The following PAPLN variants were observed in gnomAD, a reference collection of about 807,000 sequenced individuals.
PAPLN encodes the protein papilin, proteoglycan like sulfated glycoprotein.
In PAPLN, 146 loss-of-function variants were observed where a neutral mutation model predicts 159.0. The ratio of observed to expected loss-of-function variants is 0.92; its 90% CI spans 0.80 to 1.05. The LOEUF (loss-of-function observed/expected upper bound fraction) is 1.05. Ranked by LOEUF, PAPLN falls within the 50% of genes least tolerant of loss-of-function variation. PAPLN has a pLI of 0.00. For synonymous variants in PAPLN, 734 were observed against 702.9 expected, an observed-to-expected ratio of 1.04 and a Z score of -0.70; for missense variants, 1,720 against 1,743.9, an observed-to-expected ratio of 0.99 and a Z score of 0.24.
chr14:73,251,559 C>T lies in PAPLN; in HGVS notation c.663C>T (p.Asn221=), dbSNP rs1885253600. Residue 221 remains asparagine (N), a synonymous_variant, in exon 8 of 27, where the codon AAC becomes AAT. Coordinates refer to ENST00000644200, the MANE Select transcript of PAPLN (RefSeq NM_001365906.3). ...ILIDEAAASR[N]FLAVKNVRGE... ...TCGACGAGGCTGCTGCCAGCAGGAA[C>T]TTCCTGGGTGAGAGCCTAGGGTTAG... The T allele has an allele frequency of 1.9e-6, 3 of 1,612,996 alleles. No homozygotes were observed.
Position 73,265,430 on chromosome 14 carries a change from G to C in PAPLN, c.3186G>C (p.Arg1062=), listed in dbSNP as rs373959552. The C allele has an allele frequency of 2.5e-6, 4 of 1,613,084 alleles. No individual in the cohort carries two copies. The highest frequency in any genetic ancestry group is 3.4e-6 in the Non-Finnish European group (4 of 1,180,030). Residue 1062 remains arginine, a synonymous_variant, in exon 23 of 27, where the codon CGG becomes CGC. Transcript: ENST00000644200. The surrounding 1 kb of genome is among the most constrained non-coding windows in gnomAD (Gnocchi z 4.1). ...ATGCCAGTCCAGGCCAGCGGATCCG[G>C]ATGACCTGCCGTGCCGAAGGCTTCC... ...VVDASPGQRI[R]MTCRAEGFPP...
At chr14:73,264,073 AT>A in intron 20 of PAPLN, 137 bp from the exon 21 acceptor site, 1 of 1,511,354 alleles carries the variant, frequency 6.6e-7, no homozygotes, top group Non-Finnish European at 8.9e-7. Flanking sequence ...CCTGAAGCAT[AT>A]TCCCCCAGCC....
chr14:73,262,508 A>G lies in PAPLN; in HGVS notation c.2404A>G (p.Ser802Gly), dbSNP rs1456516638. Residue 802 changes from serine to glycine, a missense_variant, in exon 19 of 27, where the codon AGC (serine) becomes GGC (glycine). Coordinates refer to ENST00000644200, the MANE Select transcript of PAPLN (RefSeq NM_001365906.3). ...CTTTGCCTCGGAGCAAGAGTGCATG[A>G]GCAGCTGCCAGGGATCTCTCCATGG... is the stretch of plus-strand genomic sequence containing the variant. ...NNFASEQECMSSCQGSLHGPR... is the reference protein window; with the variant it reads ...NNFASEQECMGSCQGSLHGPR... The G allele has an allele frequency of 1.3e-6, 2 of 1,583,234 alleles. No individual in the cohort carries two copies. Among genetic ancestry groups the G allele is most frequent in the Non-Finnish European group, 1.7e-6 (2 of 1,164,024 alleles).
chr14:73,268,051 A>C (rs1351428619), intron 25 of PAPLN, among the ~76,000 whole-genome samples: 2 of 151,860 alleles, frequency 1.3e-5, no homozygotes, highest in South Asian at 4.2e-4. Context: ...GACACCTTGC[A>C]GTCTTTACGT....
At chr14:73,263,837 C>G (rs1434472815) in intron 20 of PAPLN, 55 bp downstream of exon 20, 179 of 1,515,640 alleles carry the variant, frequency 1.2e-4, no homozygotes, top group Non-Finnish European at 1.3e-4. Flanking sequence ...CCCTACCTTC[C>G]CTGACAGGTG....
chr14:73,240,553 C>G (rs948065269), intron 2 of PAPLN, among the ~76,000 whole-genome samples: 4 of 152,314 alleles, frequency 2.6e-5, no homozygotes, highest in South Asian at 2.1e-4. Context: ...AGTGATTCTT[C>G]TGCCTCAGCC....
chr14:73,246,510 C>T (rs1884365440), intron 5 of PAPLN, among the ~76,000 whole-genome samples: 1 of 150,140 alleles, frequency 6.7e-6, no homozygotes, highest in Non-Finnish European at 1.5e-5. Context: ...CTGCAGAGGT[C>T]CCTCGAGAGA....
chr14:73,260,978 G>T, intron 17 of PAPLN, 149 bp downstream of exon 17: 1 of 1,403,930 alleles, frequency 7.1e-7, no homozygotes, highest in African/African-American at 1.4e-5. Flanking sequence ...GAGGGCACCG[G>T]GCTTCAAAGA....
chr14:73,263,343 A>G lies in PAPLN; in HGVS notation c.2724-302A>G, dbSNP rs978407325. On this transcript the variant is annotated intron_variant, in intron 19 of 26. Transcript: ENST00000644200. ...GTCGAGCGTGTAGTTTAGCCCCCAC[A>G]TGAACCTGGTGTGTGCCGTCCCTCC... 1.2e-5 allele frequency: 6 copies of G among 511,230 alleles called. No individual in the cohort carries two copies. The Admixed American group carries it at 1.3e-4, about 11-fold the overall frequency. The allele number at this position is 511,230 out of a possible 1,614,324, so 31.7% of individuals were successfully genotyped here. A position where few individuals can be genotyped will look rare whatever the true frequency, so the allele number is the denominator to read the frequency against.
rs1887938287 is a variant in PAPLN, at chr14:73,273,771, C to T, written c.*1107C>T. 6.6e-6 allele frequency: 1 copy of T among 152,298 alleles called. No homozygotes were observed. The highest frequency in any genetic ancestry group is 2.1e-4 in the South Asian group (1 of 4,824). 9.4% of individuals were successfully genotyped at this position (152,298 alleles called of 1,614,324 possible). A position where few individuals can be genotyped will look rare whatever the true frequency, so the allele number is the denominator to read the frequency against. On this transcript the variant is annotated 3_prime_UTR_variant, in exon 27 of 27. Transcript: ENST00000644200. The stretch of plus-strand genomic sequence containing the variant: ...GGTTCATTGCTCTAGTCTCTCTCAC[C>T]CTTCTAGGCAGTGCATCAGTCAGCT...
intron 1 of PAPLN, 139 bp from the exon 2 acceptor site, chr14:73,239,634 C>T (rs1003709958): frequency 5.6e-6 from 8 of 1,422,762 alleles, no homozygotes; most frequent in Non-Finnish European, 6.4e-6. Context: ...TGCGGTGCAC[C>T]GAGGCGCACC....
rs1884089807 is a variant in PAPLN, at chr14:73,245,290, A to G, written c.171-346A>G. 3.2e-6 allele frequency: 1 copy of G among 314,662 alleles called. No individual in the cohort carries two copies. The highest frequency in any genetic ancestry group is 2.2e-5 in the African/African-American group (1 of 46,204). The allele number at this position is 314,662 out of a possible 1,614,324, so 19.5% of individuals were successfully genotyped here. On this transcript the variant is annotated intron_variant, in intron 3 of 26. Coordinates refer to ENST00000644200, the MANE Select transcript of PAPLN (RefSeq NM_001365906.3). This position sits in a 1 kb window ranked among gnomAD's most constrained non-coding sequence, Gnocchi z 4.2. ...GACCAGGAATGATCCTAAGAGCCTT[A>G]TACTGATGTCCTGCTTAGATCGCAG...
intron 5 of PAPLN, among the ~76,000 whole-genome samples, chr14:73,248,253 G>GTA (rs771551153): frequency 7.5e-5 from 11 of 146,812 alleles, no homozygotes; most frequent in Non-Finnish European, 1.6e-4. Context: ...TCCTCTATGT[G>GTA]TGTGTGTGTG....
chr14:73,268,593 C>T lies in PAPLN; in HGVS notation c.3537C>T (p.Val1179=), dbSNP rs141113206. Residue 1179 remains valine, a synonymous_variant, in exon 26 of 27, where the codon GTC becomes GTT. Transcript: ENST00000644200. ...GLPVQADGHR[V]HQSPDGTLLI... is the part of the protein sequence containing the mutation. ...CTGTGCAGGCTGATGGCCACCGTGTCCACCAGTCCCCAGATGGCACGCTGC... is the reference window on the plus strand; with the variant it reads ...CTGTGCAGGCTGATGGCCACCGTGTTCACCAGTCCCCAGATGGCACGCTGC... 6.8e-6 allele frequency: 11 copies of T among 1,613,682 alleles called. No homozygotes were observed. Among genetic ancestry groups the T allele is most frequent in the Non-Finnish European group, 9.3e-6 (11 of 1,179,810 alleles).
chr14:73,259,908 A>G (rs1594814309), intron 16 of PAPLN, among the ~76,000 whole-genome samples: 1 of 152,042 alleles, frequency 6.6e-6, no homozygotes, highest in African/African-American at 2.4e-5. Flanking sequence ...AACTCCTCAC[A>G]ATCTTCCTAA....
chr14:73,269,436 A>G (rs1555365454), intron 26 of PAPLN, among the ~76,000 whole-genome samples: 1 of 152,236 alleles, frequency 6.6e-6, no homozygotes, highest in Non-Finnish European at 1.5e-5. Flanking sequence ...ATTGCCTGTA[A>G]GATGCATTAT....
chr14:73,266,763 GC>G lies in PAPLN; in HGVS notation c.3434del (p.Pro1145GlnfsTer12), dbSNP rs1482777499. ...CAGGACTGCCCCCTACTGTGACAGT[GC>G]CAGAGGGTGATACGGCCAGGCTATT... ...ISGLPPTVTV[P>X]EGDTARLLCV... On this transcript the variant is annotated frameshift_variant, in exon 25 of 27. Coordinates refer to ENST00000644200, the MANE Select transcript of PAPLN (RefSeq NM_001365906.3). LOFTEE classifies it high-confidence loss of function. 11 of 1,614,016 alleles carry G rather than the reference GC, an allele frequency of 6.8e-6. No individual in the cohort carries two copies. The highest frequency in any genetic ancestry group is 8.5e-6 in the Non-Finnish European group (10 of 1,179,938).
chr14:73,254,492 C>G (rs777031595), intron 12 of PAPLN, 21 bp from the exon 13 acceptor site: 1 of 1,612,042 alleles, frequency 6.2e-7, no homozygotes, highest in Admixed American at 1.7e-5. Flanking sequence ...CGAGCTTCTG[C>G]TGACAGCCTT....
intron 14 of PAPLN, among the ~76,000 whole-genome samples, chr14:73,255,978 C>T (rs1283264110): frequency 3.9e-5 from 6 of 152,204 alleles, no homozygotes; most frequent in African/African-American, 9.7e-5. Flanking sequence ...TGCAGCACAA[C>T]GCCTGACCGC....
Sources: gnomAD v4.1 joint callset for allele counts (sites outside exome capture counted in the v4.1 genomes callset) on GRCh38, gnomAD v4.1.1 for gene constraint, Gnocchi (gnomAD v3.1) non-coding constraint, MANE v1.5 for transcripts, NCBI Gene and HGNC (gene_info 2026-07-23, HGNC 2026-07-21) for gene names.